Variants in EIF3H observed in about 807,000 individuals in gnomAD.
The protein encoded by EIF3H is eukaryotic translation initiation factor 3 subunit H, also known as eIF-3-gamma.
Under a neutral mutation model 44.2 loss-of-function variants are expected in EIF3H, and 26 were observed. That is an observed-to-expected ratio of 0.59 (90% CI 0.43 to 0.82). EIF3H has a LOEUF of 0.82. Ranked by LOEUF, EIF3H falls within the 40% of genes least tolerant of loss-of-function variation. The pLI is 0.00. For missense variants in EIF3H, 359 were observed against 432.8 expected, an observed-to-expected ratio of 0.83 and a Z score of 1.51; for synonymous variants, 166 against 151.9, an observed-to-expected ratio of 1.09 and a Z score of -0.68.
intron 2 of EIF3H, among the ~76,000 whole-genome samples, chr8:116,667,465 A>C (rs1001926334): frequency 2.7e-4 from 1 of 3,704 alleles, no homozygotes; most frequent in Non-Finnish European, 1.1e-3. Flanking sequence ...ACAACTTCAC[A>C]AAAAAAAAAA....
At chr8:116,677,006 A>G (rs1310395751) in intron 2 of EIF3H, among the ~76,000 whole-genome samples, 1 of 152,206 alleles carries the variant, frequency 6.6e-6, no homozygotes, top group Non-Finnish European at 1.5e-5. Flanking sequence ...GGTATGTAAA[A>G]GAAATAACAT....
At chr8:116,696,268 G>T (rs1422015365) in intron 2 of EIF3H, among the ~76,000 whole-genome samples, 1 of 152,156 alleles carries the variant, frequency 6.6e-6, no homozygotes. Flanking sequence ...TTGCAAAAGG[G>T]CACAAGCTAC....
At chr8:116,755,484 G>A (rs765292890) in intron 1 of EIF3H, among the ~76,000 whole-genome samples, 182 bp downstream of exon 1, 13 of 152,146 alleles carry the variant, frequency 8.5e-5, no homozygotes, top group Non-Finnish European at 1.8e-4. Context: ...CCCGTTAGAA[G>A]ACAAGAGAAG....
At chr8:116,652,481 T>C (rs1813410211) in intron 5 of EIF3H, among the ~76,000 whole-genome samples, 1 of 152,214 alleles carries the variant, frequency 6.6e-6, no homozygotes, top group South Asian at 2.1e-4. Flanking sequence ...AGTTTTTCTT[T>C]TGAGATGGGG....
chr8:116,727,640 G>T (rs1251693930), intron 1 of EIF3H, among the ~76,000 whole-genome samples: 1 of 152,170 alleles, frequency 6.6e-6, no homozygotes, highest in South Asian at 2.1e-4. Flanking sequence ...TAGTTGGGGG[G>T]TTAGTTTTTA....
chr8:116,645,215 T>C, intron 7 of EIF3H, 112 bp from the exon 8 acceptor site: 1 of 773,224 alleles, frequency 1.3e-6, no homozygotes. Context: ...GTTTATTGTT[T>C]TGAATCCAGA....
intron 2 of EIF3H, among the ~76,000 whole-genome samples, chr8:116,674,067 C>CAAAAAAAAAAAAAAAA (rs59899280): frequency 2.0e-5 from 1 of 49,660 alleles, no homozygotes; most frequent in African/African-American, 9.2e-5. Flanking sequence ...AAGACTGTCT[C>CAAAAAAAAAAAAAAAA]AAAAAAAAAA....
At chr8:116,649,058 C>A in intron 5 of EIF3H, 132 bp from the exon 6 acceptor site, 1 of 701,422 alleles carries the variant, frequency 1.4e-6, no homozygotes, top group Non-Finnish European at 2.1e-6. Flanking sequence ...TGCATAAAAG[C>A]AAGAGCAGAG....
intron 2 of EIF3H, among the ~76,000 whole-genome samples, chr8:116,696,412 T>C (rs766027236): frequency 1.9e-4 from 29 of 152,334 alleles, no homozygotes; most frequent in African/African-American, 2.9e-4. Flanking sequence ...GAAAATTATA[T>C]AGATACATGA....
chr8:116,672,367 C>A (rs532012737), intron 2 of EIF3H, among the ~76,000 whole-genome samples: 1 of 152,120 alleles, frequency 6.6e-6, no homozygotes, highest in Non-Finnish European at 1.5e-5. Context: ...GGCTCACGCC[C>A]GTAATCCCAA....
Position 116,642,972 on chromosome 8 carries a change from CAT to C in EIF3H, c.*2032_*2033del, listed in dbSNP as rs1479512020. On this transcript the variant is annotated 3_prime_UTR_variant, in exon 8 of 8. Transcript: ENST00000521861. ...AATTTAAGAATCACACCTTTAAAAA[CAT>C]ATTGAATTGACTCAGTTAAATTACT... 2 of 152,164 alleles carry C rather than the reference CAT, an allele frequency of 1.3e-5. No individual in the cohort carries two copies. The highest frequency in any genetic ancestry group is 2.9e-5 in the Non-Finnish European group (2 of 68,038). The allele number at this position is 152,164 out of a possible 1,614,324, so 9.4% of individuals were successfully genotyped here.
At chr8:116,650,562 G>T (rs1314939558) in intron 5 of EIF3H, among the ~76,000 whole-genome samples, 3 of 152,174 alleles carry the variant, frequency 2.0e-5, no homozygotes, top group African/African-American at 7.2e-5. Flanking sequence ...AATGTTATTT[G>T]GCCTTAAACA....
chr8:116,732,762 G>A (rs970765799), intron 1 of EIF3H, among the ~76,000 whole-genome samples: 10 of 152,068 alleles, frequency 6.6e-5, no homozygotes, highest in Admixed American at 2.0e-4. Flanking sequence ...AAACACATAG[G>A]TCTTACTTTC....
intron 2 of EIF3H, among the ~76,000 whole-genome samples, chr8:116,701,364 G>A (rs1814373099): frequency 6.6e-6 from 1 of 152,100 alleles, no homozygotes; most frequent in Non-Finnish European, 1.5e-5. Flanking sequence ...GATATAGTGT[G>A]ATAGTCCCCA....
At chr8:116,689,901 T>C (rs1472689804) in intron 2 of EIF3H, among the ~76,000 whole-genome samples, 1 of 152,174 alleles carries the variant, frequency 6.6e-6, no homozygotes, top group African/African-American at 2.4e-5. Flanking sequence ...GTATATATCA[T>C]ATGAACACAA....
At chr8:116,666,995 C>T (rs1813681614) in intron 2 of EIF3H, among the ~76,000 whole-genome samples, 1 of 152,120 alleles carries the variant, frequency 6.6e-6, no homozygotes, top group South Asian at 2.1e-4. Context: ...ACGCTCTGCC[C>T]CATTCACAAA....
chr8:116,753,133 A>C (rs1365105260), intron 1 of EIF3H, among the ~76,000 whole-genome samples: 1 of 152,240 alleles, frequency 6.6e-6, no homozygotes, highest in Non-Finnish European at 1.5e-5. Context: ...AAGATAAAAG[A>C]ACCTTGCAAC....
intron 1 of EIF3H, among the ~76,000 whole-genome samples, chr8:116,752,945 T>C (rs1815384529): frequency 6.6e-6 from 1 of 152,262 alleles, no homozygotes. Flanking sequence ...CATGTGGAGA[T>C]AGTATTCAAG....
chr8:116,752,669 A>AAGGAAGGAAGGAAGGAAGG (rs1563662865), intron 1 of EIF3H, among the ~76,000 whole-genome samples: 1 of 17,512 alleles, frequency 5.7e-5, no homozygotes, highest in African/African-American at 1.8e-4. Flanking sequence ...AGAAATGAAG[A>AAGGAAGGAAGGAAGGAAGG]AAGAAAGAAA....
Sources: allele counts gnomAD v4.1 joint callset (sites outside exome capture counted in the v4.1 genomes callset), GRCh38; gene constraint gnomAD v4.1.1; transcripts MANE v1.5; gene names NCBI Gene and HGNC (gene_info 2026-07-23, HGNC 2026-07-21).